SMARCD3: variants seen among roughly 807,000 people sequenced by gnomAD.
SMARCD3 encodes SWI/SNF-related matrix-associated actin-dependent regulator of chromatin subfamily D member 3.
A neutral mutation model predicts 58.0 loss-of-function variants in SMARCD3; 14 were observed. That is an observed-to-expected ratio of 0.24 (90% CI 0.16 to 0.38). The LOEUF is 0.38. Ranked by LOEUF, SMARCD3 falls within the 10% of genes least tolerant of loss-of-function variation. SMARCD3 has a pLI of 1.00. For synonymous variants in SMARCD3, 253 were observed against 253.8 expected, an observed-to-expected ratio of 1.00 and a Z score of 0.03; for missense variants, 408 against 636.9, an observed-to-expected ratio of 0.64 and a Z score of 3.87.
Position 151,241,108 on chromosome 7 carries a change from T to A in SMARCD3, c.939+384A>T. 1 of 327,048 alleles carries A rather than the reference T, an allele frequency of 3.1e-6. No individual in the cohort carries two copies. Among genetic ancestry groups the A allele is most frequent in the Middle Eastern group, 1.0e-3 (1 of 954 alleles). The allele number at this position is 327,048 out of a possible 1,614,324, so 20.3% of individuals were successfully genotyped here. ...CCCAGGAGAGTAGATAGGACAGGTA[T>A]TGTCACTCCACTTCAAAGATAAGGA... On this transcript the variant is annotated intron_variant, in intron 8 of 12. Coordinates refer to ENST00000262188, the MANE Select transcript of SMARCD3 (RefSeq NM_001003801.2). The surrounding 1 kb of genome is among the most constrained non-coding windows in gnomAD (Gnocchi z 5.3).
intron 2 of SMARCD3, among the ~76,000 whole-genome samples, chr7:151,253,854 G>A (rs7781265): frequency 0.15 from 22,895 of 151,736 alleles, 2,273 homozygotes; most frequent in African/African-American, 0.28. Flanking sequence ...ATAGGGCCAC[G>A]TCCAGGGACC....
Position 151,246,498 on chromosome 7 carries a change from C to T in SMARCD3, c.79-827G>A, listed in dbSNP as rs573260637. 6.6e-6 allele frequency among the ~76,000 whole-genome samples: 1 copy of T among 152,206 alleles called. No homozygotes were observed. The highest frequency in any genetic ancestry group is 6.5e-5 in the Admixed American group (1 of 15,306). The stretch of plus-strand genomic sequence containing the variant: ...TCTCTGATTGGGAGGAGGGGAACTG[C>T]GTTAGAGGTGGGCTGCCCAGGGGGG... On this transcript the variant is annotated intron_variant, in intron 1 of 12. Transcript: ENST00000262188. The surrounding 1 kb of genome is among the most constrained non-coding windows in gnomAD (Gnocchi z 4.4).
intron 8 of SMARCD3, chr7:151,240,760 T>G: frequency 1.9e-6 from 1 of 536,336 alleles, no homozygotes. Flanking sequence ...TGGGTCAGCC[T>G]GCTTATGTAT....
rs1432963883 is a variant in SMARCD3, at chr7:151,239,154, G to C, written c.1401C>G (p.Ile467Met). ...GCTCCAGCTCCTGCCTGCGCTGCTG[G>C]ATCTTTAGAGGAAGTGAGAACAGGA... ...EAVSRYFYCK[I>M]QQRRQELEQS... Residue 467 changes from isoleucine (I) to methionine (M), a missense_variant and splice_region_variant, in exon 13 of 13, where the codon ATC (isoleucine) becomes ATG (methionine). Around this residue, in one of 4 missense-constraint regions of SMARCD3, gnomAD observed 81 missense variants for 109.7 expected, o/e 0.74. Transcript: ENST00000262188. The surrounding 1 kb of genome is among the most constrained non-coding windows in gnomAD (Gnocchi z 7.0). 6.2e-7 allele frequency: 1 copy of C among 1,613,996 alleles called. No individual in the cohort carries two copies. Among genetic ancestry groups the C allele is most frequent in the Non-Finnish European group, 8.5e-7 (1 of 1,180,002 alleles).
In SMARCD3 at chr7:151,245,854, T is replaced by C. The variant is rs1803235159; in HGVS notation, c.79-183A>G. On this transcript the variant is annotated intron_variant, in intron 1 of 12. Transcript: ENST00000262188. This position sits in a 1 kb window ranked among gnomAD's most constrained non-coding sequence, Gnocchi z 6.2. The stretch of plus-strand genomic sequence containing the variant: ...GCAGGGGCGCCGGAATCTGCGCGGC[T>C]CTGGCGGAGGGGCTTGGCGTCTGGC... 3 of 382,654 alleles carry C rather than the reference T, an allele frequency of 7.8e-6. No homozygotes were observed. The highest frequency in any genetic ancestry group is 4.6e-6 in the Non-Finnish European group (1 of 216,022). The allele number at this position is 382,654 out of a possible 1,614,324, so 23.7% of individuals were successfully genotyped here.
chr7:151,254,003 G>A (rs1435288049), intron 2 of SMARCD3, among the ~76,000 whole-genome samples: 1 of 152,204 alleles, frequency 6.6e-6, no homozygotes, highest in Non-Finnish European at 1.5e-5. Context: ...TGGCTTAGAT[G>A]TGGCTGAAAC....
At chr7:151,248,736 C>G, upstream of SMARCD3, 1 of 1,182,318 alleles carries the variant, frequency 8.5e-7, no homozygotes, top group Non-Finnish European at 1.0e-6. This position sits in a 1 kb window ranked among gnomAD's most constrained non-coding sequence, Gnocchi z 6.1. Context: ...GGCCCACGGC[C>G]CACGCCGCCG....
rs540959643 is a variant in SMARCD3, at chr7:151,259,351, C to CAA, written c.40-13682_40-13681dup. On this transcript the variant is annotated intron_variant, in intron 2 of 13. Transcript: ENST00000356800. ...TAGGTGACAGAGAGAGACTCTGTCT[C>CAA]AAAAAAAAAAAAAAAGAATGTAAGC... is the stretch of plus-strand genomic sequence containing the variant. 5.5e-3 allele frequency among the ~76,000 whole-genome samples: 587 copies of CAA among 107,040 alleles called. 3 individuals carry two copies. Among genetic ancestry groups the CAA allele is most frequent in the African/African-American group, 0.02 (548 of 28,056 alleles). 70.2% of individuals were successfully genotyped at this position (107,040 alleles called of 152,430 possible).
rs1802871402 is a variant in SMARCD3, at chr7:151,239,888, C to G, written c.1174-142G>C. ...CAGAGCCCCTGATTTCTCTGAAGTC[C>G]CAGGGGAGGAGGGGATGGGCAGAAC... On this transcript the variant is annotated intron_variant, in intron 10 of 12. Coordinates refer to ENST00000262188, the MANE Select transcript of SMARCD3 (RefSeq NM_001003801.2). This position sits in a 1 kb window ranked among gnomAD's most constrained non-coding sequence, Gnocchi z 7.0. 5.3e-5 allele frequency: 54 copies of G among 1,014,816 alleles called. 1 individual carries two copies. The South Asian group carries it at 8.3e-4, about 16-fold the overall frequency. 62.9% of individuals were successfully genotyped at this position (1,014,816 alleles called of 1,614,324 possible). A position where few individuals can be genotyped will look rare whatever the true frequency, so the allele number is the denominator to read the frequency against.
At chr7:151,262,915 G>A (rs1803963079) in intron 2 of SMARCD3, among the ~76,000 whole-genome samples, 1 of 152,136 alleles carries the variant, frequency 6.6e-6, no homozygotes, top group Admixed American at 6.5e-5. Flanking sequence ...CATGAATAGT[G>A]GAAAGGGCAG....
In SMARCD3 at chr7:151,245,625, GGC is replaced by G; in HGVS notation, c.123_124del (p.Pro42HisfsTer63). On this transcript the variant is annotated frameshift_variant, in exon 2 of 13. Coordinates refer to ENST00000262188, the MANE Select transcript of SMARCD3 (RefSeq NM_001003801.2). LOFTEE classifies it high-confidence loss of function. The surrounding 1 kb of genome is among the most constrained non-coding windows in gnomAD (Gnocchi z 6.2). ...GTACGGGGAGCCCGGGGGGCCCATG[GGC>G]GCCCCCTGGTGGGGCATCCGGGCTC... 2 of 1,190,058 alleles carry G rather than the reference GGC, an allele frequency of 1.7e-6. No homozygotes were observed. Among genetic ancestry groups the G allele is most frequent in the Non-Finnish European group, 1.1e-6 (1 of 950,436 alleles). The allele number at this position is 1,190,058 out of a possible 1,614,324, so 73.7% of individuals were successfully genotyped here.
At chr7:151,260,508 G>C (rs1803882422) in intron 2 of SMARCD3, among the ~76,000 whole-genome samples, 6 of 152,086 alleles carry the variant, frequency 3.9e-5, no homozygotes, top group Admixed American at 3.9e-4. Context: ...AAAAAAAAAT[G>C]AATGCTAGTT....
chr7:151,248,810 T>C, upstream of SMARCD3: 1 of 488,520 alleles, frequency 2.0e-6, no homozygotes, highest in Non-Finnish European at 2.7e-6. This position sits in a 1 kb window ranked among gnomAD's most constrained non-coding sequence, Gnocchi z 6.1. Context: ...AAGACAGAAA[T>C]AGTCCGGCGG....
chr7:151,260,328 C>T (rs1803875778), intron 2 of SMARCD3, among the ~76,000 whole-genome samples: 2 of 152,082 alleles, frequency 1.3e-5, no homozygotes, highest in South Asian at 4.1e-4. Context: ...GCTGAATTAC[C>T]CTTAATTATC....
chr7:151,242,287 C>G lies in SMARCD3; in HGVS notation c.580-55G>C. On this transcript the variant is annotated intron_variant, in intron 5 of 12. Transcript: ENST00000262188. The surrounding 1 kb of genome is among the most constrained non-coding windows in gnomAD (Gnocchi z 4.7). ...CAGAACAGGGACGAGGTGGGAGGAG[C>G]AGAAGGAGGCCAAGTTGGCAGCCGA... The G allele has an allele frequency of 1.4e-6, 2 of 1,478,844 alleles. No homozygotes were observed. The highest frequency in any genetic ancestry group is 1.4e-5 in the African/African-American group (1 of 72,264). 91.6% of individuals were successfully genotyped at this position (1,478,844 alleles called of 1,614,324 possible). A position where few individuals can be genotyped will look rare whatever the true frequency, so the allele number is the denominator to read the frequency against.
In SMARCD3 at chr7:151,238,905, C is replaced by G; in HGVS notation, c.*198G>C. The G allele has an allele frequency of 5.3e-6, 6 of 1,133,484 alleles. No individual in the cohort carries two copies. Among genetic ancestry groups the G allele is most frequent in the South Asian group, 1.4e-5 (1 of 69,382 alleles). 70.2% of individuals were successfully genotyped at this position (1,133,484 alleles called of 1,614,324 possible). Reference sequence around the variant, plus strand: ...GGAGTCGTCCCGAGGGACCCACTGCCTCCCCACCTTCTTCCCTTCCCCTTC... The same window carrying G: ...GGAGTCGTCCCGAGGGACCCACTGCGTCCCCACCTTCTTCCCTTCCCCTTC... On this transcript the variant is annotated 3_prime_UTR_variant, in exon 13 of 13. Coordinates refer to ENST00000262188, the MANE Select transcript of SMARCD3 (RefSeq NM_001003801.2).
chr7:151,244,205 C>T (rs1311418264), intron 2 of SMARCD3, among the ~76,000 whole-genome samples: 2 of 152,104 alleles, frequency 1.3e-5, no homozygotes, highest in Non-Finnish European at 2.9e-5. Flanking sequence ...GCACCCCTTC[C>T]AGCCACCCTG....
chr7:151,265,351 G>C (rs58352277), intron 2 of SMARCD3, among the ~76,000 whole-genome samples: 49,848 of 152,062 alleles, frequency 0.33, 8,467 homozygotes, highest in Middle Eastern at 0.43. Context: ...CAAGGAGAGA[G>C]GCCTGAGACA....
At chr7:151,276,324 C>T (rs1795339973) in intron 1 of SMARCD3, among the ~76,000 whole-genome samples, 1 of 135,940 alleles carries the variant, frequency 7.4e-6, no homozygotes, top group Non-Finnish European at 1.6e-5. Flanking sequence ...AGGGAAGGTG[C>T]CAGACAGGGG....
Sources: gnomAD v4.1 joint callset for allele counts (sites outside exome capture counted in the v4.1 genomes callset) on GRCh38, gnomAD v4.1.1 for gene constraint, gnomAD v4.1.1 regional missense constraint, Gnocchi (gnomAD v3.1) non-coding constraint, MANE v1.5 for transcripts, NCBI Gene and HGNC (gene_info 2026-07-23, HGNC 2026-07-21) for gene names.